The following CCDC148 variants were observed in gnomAD, a reference collection of about 807,000 sequenced individuals.
CCDC148 encodes the protein coiled-coil domain containing 148.
Under a neutral mutation model 85.7 loss-of-function variants are expected in CCDC148, and 89 were observed. The ratio of observed to expected loss-of-function variants is 1.04; its 90% confidence interval spans 0.87 to 1.24. The LOEUF (loss-of-function observed/expected upper bound fraction) is 1.24. Ranked by LOEUF, CCDC148 falls within the 50% of genes most tolerant of loss-of-function variation. The pLI, the probability that CCDC148 is intolerant of heterozygous loss-of-function variation, is 0.00. For missense variants in CCDC148, 692 were observed against 671.7 expected, an observed-to-expected ratio of 1.03 and a Z score of -0.33; for synonymous variants, 230 against 213.9, an observed-to-expected ratio of 1.08 and a Z score of -0.66.
intron 9 of CCDC148, among the ~76,000 whole-genome samples, chr2:158,283,669 C>G (rs1197895032): frequency 1.3e-5 from 2 of 151,930 alleles, no homozygotes; most frequent in South Asian, 2.1e-4. Context: ...CACTTTTACA[C>G]TGTTGGTGGG....
At chr2:158,444,393 GA>G (rs577695260) in intron 1 of CCDC148, among the ~76,000 whole-genome samples, 34 of 151,886 alleles carry the variant, frequency 2.2e-4, no homozygotes, top group Admixed American at 1.2e-3. Context: ...GCTCATAATT[GA>G]AAAAAACATT....
At position 158,456,581 on chromosome 2, in the gene CCDC148, C is replaced by T; in HGVS notation, c.-142G>A. The T allele has an allele frequency of 1.9e-6, 2 of 1,066,200 alleles. No individual in the cohort carries two copies. Among genetic ancestry groups the T allele is most frequent in the South Asian group, 3.3e-5 (2 of 60,444 alleles). The allele number at this position is 1,066,200 out of a possible 1,614,324, so 66.0% of individuals were successfully genotyped here. On this transcript the variant is annotated 5_prime_UTR_variant, in exon 1 of 14. Transcript: ENST00000283233. ...GACGCCAGGGACAAACCCTACCAGGCACAGTTGGGATTGGCAGTAAGGCAA... is the reference window on the plus strand; with the variant it reads ...GACGCCAGGGACAAACCCTACCAGGTACAGTTGGGATTGGCAGTAAGGCAA...
At chr2:158,445,949 C>A (rs548176001) in intron 1 of CCDC148, among the ~76,000 whole-genome samples, 2 of 152,216 alleles carry the variant, frequency 1.3e-5, no homozygotes, top group East Asian at 3.9e-4. Context: ...AAGGACAGTT[C>A]ACCCCCATAC....
intron 9 of CCDC148, among the ~76,000 whole-genome samples, chr2:158,303,300 C>T (rs1258231380): frequency 6.6e-6 from 1 of 152,146 alleles, no homozygotes; most frequent in Non-Finnish European, 1.5e-5. Context: ...CTGGAGCCTA[C>T]AGTATAATAA....
In CCDC148 at chr2:158,190,119, T is replaced by C. The variant is rs540999361; in HGVS notation, c.1371-11123A>G. On this transcript the variant is annotated intron_variant, in intron 11 of 13. Coordinates refer to ENST00000283233, the MANE Select transcript of CCDC148 (RefSeq NM_138803.4). ...ATCATTTGAGAAGCTGGAAGAGAAA[T>C]TGAATTACTGGAGAACAAATCTAGT... Among the ~76,000 whole-genome samples, 14 of 152,006 alleles carry C rather than the reference T, an allele frequency of 9.2e-5. No homozygotes were observed. In the East Asian group the frequency reaches 9.7e-4, roughly 11 times the overall value.
At chr2:158,223,252 C>T (rs918389194) in intron 10 of CCDC148, among the ~76,000 whole-genome samples, 3 of 152,158 alleles carry the variant, frequency 2.0e-5, no homozygotes, top group African/African-American at 7.2e-5. Flanking sequence ...AACTGCAAGG[C>T]AGCAGCGAGG....
At chr2:158,270,963 C>G (rs190365321) in intron 9 of CCDC148, among the ~76,000 whole-genome samples, 1 of 152,162 alleles carries the variant, frequency 6.6e-6, no homozygotes, top group East Asian at 1.9e-4. Context: ...GAAAATAGCT[C>G]CTGAGACAAA....
intron 5 of CCDC148, among the ~76,000 whole-genome samples, chr2:158,339,948 T>C (rs1300601227): frequency 2.0e-5 from 3 of 152,140 alleles, no homozygotes; most frequent in Non-Finnish European, 4.4e-5. Context: ...TTAATCCCCC[T>C]GTGCTGGGGT....
At chr2:158,294,645 G>A (rs1387987520) in intron 9 of CCDC148, among the ~76,000 whole-genome samples, 5 of 152,000 alleles carry the variant, frequency 3.3e-5, no homozygotes, top group Non-Finnish European at 5.9e-5. Context: ...GCAACATGGT[G>A]AAACCCCGTC....
intron 1 of CCDC148, among the ~76,000 whole-genome samples, chr2:158,390,817 T>C (rs190394684): frequency 2.0e-5 from 3 of 152,262 alleles, no homozygotes; most frequent in East Asian, 1.9e-4. Context: ...GTAGATTGCA[T>C]TGTAACTAAG....
intron 1 of CCDC148, among the ~76,000 whole-genome samples, chr2:158,436,428 T>C (rs529781095): frequency 3.9e-5 from 6 of 152,132 alleles, no homozygotes; most frequent in African/African-American, 1.4e-4. Flanking sequence ...TTGAAACCAA[T>C]GAGAACAAAG....
chr2:158,286,055 C>G (rs1690609732), intron 9 of CCDC148, among the ~76,000 whole-genome samples: 1 of 151,918 alleles, frequency 6.6e-6, no homozygotes, highest in Non-Finnish European at 1.5e-5. Flanking sequence ...ATAATGTACA[C>G]AAAAATTATT....
At chr2:158,325,911 T>C (rs11892036) in intron 7 of CCDC148, among the ~76,000 whole-genome samples, 62,735 of 152,036 alleles carry the variant, frequency 0.41, 13,551 homozygotes, top group South Asian at 0.61. Context: ...AAGTGTCCAA[T>C]ATCTTCTTGC....
At chr2:158,173,138 G>A (rs1684396770) in intron 13 of CCDC148, among the ~76,000 whole-genome samples, 1 of 151,966 alleles carries the variant, frequency 6.6e-6, no homozygotes, top group Admixed American at 6.6e-5. Flanking sequence ...GCATGCGGAT[G>A]GTCTCAGGTG....
At position 158,225,351 on chromosome 2, in the gene CCDC148, T is replaced by C. The variant is rs567216788; in HGVS notation, c.1252-4638A>G. Among the ~76,000 whole-genome samples the C allele has an allele frequency of 9.2e-5, 14 of 152,186 alleles. No homozygotes were observed. The South Asian group carries it at 2.9e-3, about 32-fold the overall frequency. On this transcript the variant is annotated intron_variant, in intron 10 of 13. Coordinates refer to ENST00000283233, the MANE Select transcript of CCDC148 (RefSeq NM_138803.4). Reference sequence around the variant, plus strand: ...AGAGACTTAGACTCCCACACAATAATAATGAGAGACTTAAACACTCCACTG... The same window carrying C: ...AGAGACTTAGACTCCCACACAATAACAATGAGAGACTTAAACACTCCACTG...
chr2:158,446,521 TA>T (rs1207666272), intron 1 of CCDC148, among the ~76,000 whole-genome samples: 1 of 152,208 alleles, frequency 6.6e-6, no homozygotes, highest in Non-Finnish European at 1.5e-5. Flanking sequence ...GGAATATTTT[TA>T]ATCATGTTAG....
At chr2:158,270,646 T>C (rs4664946) in intron 9 of CCDC148, among the ~76,000 whole-genome samples, 63,088 of 151,978 alleles carry the variant, frequency 0.42, 13,822 homozygotes, top group East Asian at 0.63. Context: ...TAGCTTTTGT[T>C]AGCAAGCACG....
chr2:158,358,613 A>T, intron 1 of CCDC148, 43 bp from the exon 2 acceptor site: 2 of 1,390,180 alleles, frequency 1.4e-6, no homozygotes, highest in South Asian at 2.9e-5. Flanking sequence ...AAAGAATATC[A>T]TGTTATTGGA....
rs1687627632 is a variant in CCDC148, at chr2:158,227,763, GC to G, written c.1252-7051del. ...AAAACTGGCTAGCCATATATAGAAA[GC>G]TGAAACTGGATCCCTTCCTTATGCC... On this transcript the variant is annotated intron_variant, in intron 10 of 13. Coordinates refer to ENST00000283233, the MANE Select transcript of CCDC148 (RefSeq NM_138803.4). Among the ~76,000 whole-genome samples, 3 of 152,264 alleles carry G rather than the reference GC, an allele frequency of 2.0e-5. No homozygotes were observed. In the South Asian group the frequency reaches 6.2e-4, roughly 32 times the overall value.
Sources: gnomAD v4.1 joint callset for allele counts (sites outside exome capture counted in the v4.1 genomes callset) on GRCh38, gnomAD v4.1.1 for gene constraint, MANE v1.5 for transcripts, NCBI Gene and HGNC (gene_info 2026-07-23, HGNC 2026-07-21) for gene names.